The following ZNF804A variants were observed in gnomAD, a reference collection of about 807,000 sequenced individuals.
ZNF804A encodes the protein zinc finger protein 804A.
ZNF804A carries 2 observed loss-of-function variants against 16.5 expected under a neutral mutation model. The ratio of observed to expected loss-of-function variants is 0.12; its 90% CI spans 0.05 to 0.38. The LOEUF is 0.38. ZNF804A is among the 10% of genes least tolerant of loss of function. The pLI, the probability that ZNF804A is intolerant of heterozygous loss-of-function variation, is 0.99. For missense variants in ZNF804A, 1,473 were observed against 1,390.7 expected, an observed-to-expected ratio of 1.06 and a Z score of -0.94; for synonymous variants, 534 against 489.6, an observed-to-expected ratio of 1.09 and a Z score of -1.20.
At chr2:184,876,764 G>T (rs1684691610) in intron 2 of ZNF804A, among the ~76,000 whole-genome samples, 1 of 151,840 alleles carries the variant, frequency 6.6e-6, no homozygotes, top group Non-Finnish European at 1.5e-5. Context: ...CCTTCCTTCT[G>T]CCATCTCCTT....
chr2:184,850,740 T>A (rs1455388323), intron 1 of ZNF804A, among the ~76,000 whole-genome samples: 1 of 151,830 alleles, frequency 6.6e-6, no homozygotes, highest in East Asian at 1.9e-4. Context: ...CAAAGCATTT[T>A]AAATGTTAAT....
At chr2:184,784,222 T>C (rs1409138687) in intron 1 of ZNF804A, among the ~76,000 whole-genome samples, 2 of 151,932 alleles carry the variant, frequency 1.3e-5, no homozygotes, top group African/African-American at 4.8e-5. Flanking sequence ...CTTCAACTGA[T>C]GGCTCTAAGA....
intron 1 of ZNF804A, among the ~76,000 whole-genome samples, chr2:184,792,068 C>G (rs1346659258): frequency 6.6e-6 from 1 of 152,128 alleles, no homozygotes; most frequent in Non-Finnish European, 1.5e-5. Flanking sequence ...TATTTATTCA[C>G]CTACTGAAGG....
chr2:184,734,530 A>G (rs1693578503), intron 1 of ZNF804A, among the ~76,000 whole-genome samples: 1 of 152,140 alleles, frequency 6.6e-6, no homozygotes, highest in African/African-American at 2.4e-5. Flanking sequence ...CTGTGAGTAA[A>G]CATTATATGA....
intron 2 of ZNF804A, among the ~76,000 whole-genome samples, chr2:184,913,858 G>T (rs1428997571): frequency 1.3e-5 from 2 of 152,058 alleles, no homozygotes; most frequent in Non-Finnish European, 1.5e-5. Flanking sequence ...TAGATTCTCA[G>T]GTCACATTCT....
At chr2:184,880,490 G>T (rs1684794227) in intron 2 of ZNF804A, among the ~76,000 whole-genome samples, 1 of 151,986 alleles carries the variant, frequency 6.6e-6, no homozygotes, top group Non-Finnish European at 1.5e-5. Flanking sequence ...AGACTTGGGA[G>T]AAGTTATAAT....
chr2:184,606,856 T>C (rs185318904), intron 1 of ZNF804A, among the ~76,000 whole-genome samples: 205 of 101,874 alleles, frequency 2.0e-3, no homozygotes, highest in East Asian at 8.7e-3. Context: ...CACACACACA[T>C]ACACACACAC....
chr2:184,636,207 T>C (rs1009201075), intron 1 of ZNF804A, among the ~76,000 whole-genome samples: 3 of 151,808 alleles, frequency 2.0e-5, no homozygotes, highest in African/African-American at 7.2e-5. Flanking sequence ...TAATCAAATA[T>C]TCAGTGACTC....
chr2:184,836,843 G>A (rs927975473), intron 1 of ZNF804A, among the ~76,000 whole-genome samples: 3 of 151,618 alleles, frequency 2.0e-5, no homozygotes, highest in Non-Finnish European at 4.4e-5. Flanking sequence ...CATATGCTTT[G>A]TGATTGTGCC....
intron 1 of ZNF804A, among the ~76,000 whole-genome samples, chr2:184,774,207 C>A (rs1318863308): frequency 6.6e-6 from 1 of 151,714 alleles, no homozygotes. Flanking sequence ...TGATTAACTG[C>A]TTTTATTTGC....
chr2:184,895,853 G>A (rs927014007), intron 2 of ZNF804A, among the ~76,000 whole-genome samples: 4 of 152,022 alleles, frequency 2.6e-5, no homozygotes, highest in African/African-American at 7.2e-5. Context: ...TTCACAAAAT[G>A]TATTGTTTTT....
intron 1 of ZNF804A, among the ~76,000 whole-genome samples, chr2:184,802,781 A>AT (rs1325110221): frequency 6.6e-6 from 1 of 152,214 alleles, no homozygotes; most frequent in Non-Finnish European, 1.5e-5. Flanking sequence ...AGTTTTAATT[A>AT]TTTTTAAATA....
At chr2:184,907,877 T>C (rs1444267104) in intron 2 of ZNF804A, among the ~76,000 whole-genome samples, 1 of 152,126 alleles carries the variant, frequency 6.6e-6, no homozygotes, top group African/African-American at 2.4e-5. Context: ...GAAGTTCACA[T>C]TTGATAGGAT....
At chr2:184,711,208 G>A (rs1230459242) in intron 1 of ZNF804A, among the ~76,000 whole-genome samples, 2 of 151,696 alleles carry the variant, frequency 1.3e-5, no homozygotes, top group South Asian at 2.1e-4. Flanking sequence ...TCGAACAGGA[G>A]TGTAGTGATA....
chr2:184,670,538 T>C (rs1692325237), intron 1 of ZNF804A, among the ~76,000 whole-genome samples: 1 of 152,164 alleles, frequency 6.6e-6, no homozygotes, highest in Non-Finnish European at 1.5e-5. Context: ...TTGACTGTGA[T>C]GTTCTTAGAT....
At chr2:184,829,102 A>C (rs550623958) in intron 1 of ZNF804A, among the ~76,000 whole-genome samples, 20 of 151,880 alleles carry the variant, frequency 1.3e-4, no homozygotes, top group African/African-American at 4.6e-4. Context: ...TAGTAAATGT[A>C]AATGCACTTT....
At chr2:184,828,503 T>G (rs1201401189) in intron 1 of ZNF804A, among the ~76,000 whole-genome samples, 4 of 151,810 alleles carry the variant, frequency 2.6e-5, no homozygotes, top group African/African-American at 7.2e-5. Flanking sequence ...TTCATTAAAA[T>G]TTCCAAATTT....
chr2:184,935,022 A>C (rs914496811), intron 3 of ZNF804A, among the ~76,000 whole-genome samples: 1 of 152,138 alleles, frequency 6.6e-6, no homozygotes, highest in Non-Finnish European at 1.5e-5. Context: ...CTTCACACAG[A>C]GTTCTGCTAA....
At chr2:184,830,812 A>G (rs1472127021) in intron 1 of ZNF804A, among the ~76,000 whole-genome samples, 2 of 152,266 alleles carry the variant, frequency 1.3e-5, no homozygotes, top group East Asian at 3.9e-4. Context: ...GTTCCATCAG[A>G]ATAAAGCATT....
Sources: allele counts gnomAD v4.1 joint callset (sites outside exome capture counted in the v4.1 genomes callset), GRCh38; gene constraint gnomAD v4.1.1; transcripts MANE v1.5; gene names NCBI Gene and HGNC (gene_info 2026-07-23, HGNC 2026-07-21).